Variants in UGT1A5 observed in about 807,000 individuals in gnomAD.
UGT1A5 encodes the protein UDP-glucuronosyltransferase 1A5.
A neutral mutation model predicts 40.3 loss-of-function variants in UGT1A5; 29 were observed. The observed-to-expected ratio is 0.72, with a 90% CI of 0.54 to 0.98. The LOEUF (loss-of-function observed/expected upper bound fraction) is 0.98. UGT1A5 is among the 50% of genes least tolerant of loss of function. UGT1A5 has a pLI of 0.00. For synonymous variants in UGT1A5, 257 were observed against 262.5 expected (o/e 0.98, Z 0.20); for missense variants, 678 against 677.9 (o/e 1.00, Z 0.00).
intron 1 of UGT1A5, among the ~76,000 whole-genome samples, chr2:233,748,618 A>C (rs1693989707): frequency 1.3e-5 from 2 of 151,764 alleles, no homozygotes; most frequent in Non-Finnish European, 2.9e-5. Flanking sequence ...CGAACGTGGG[A>C]TATATGTCTG....
chr2:233,750,143 G>C (rs1694374277), intron 1 of UGT1A5, among the ~76,000 whole-genome samples: 1 of 151,908 alleles, frequency 6.6e-6, no homozygotes, highest in Admixed American at 6.5e-5. Context: ...GAACTTCCTA[G>C]AGACTTGTTG....
intron 1 of UGT1A5, among the ~76,000 whole-genome samples, chr2:233,761,810 G>A (rs147752655): frequency 5.2e-4 from 79 of 152,328 alleles, no homozygotes; most frequent in African/African-American, 1.8e-3. Context: ...GAAAAGAACA[G>A]GAGAGGCTCC....
At position 233,760,448 on chromosome 2, in the gene UGT1A5, G is replaced by T. The variant is rs770426284; in HGVS notation, c.868-6586G>T. On this transcript the variant is annotated intron_variant, in intron 1 of 4. Coordinates refer to ENST00000373414, the MANE Select transcript of UGT1A5 (RefSeq NM_019078.2). ...GCCATCCAGCAGCTGCAGCAGAGGGGACATGAAATAGTTGTCCTAGCACCT... is the reference window on the plus strand; with the variant it reads ...GCCATCCAGCAGCTGCAGCAGAGGGTACATGAAATAGTTGTCCTAGCACCT... The T allele has an allele frequency of 1.2e-5, 19 of 1,614,238 alleles. No individual in the cohort carries two copies. In the Middle Eastern group the frequency reaches 1.3e-3, roughly 112 times the overall value.
intron 1 of UGT1A5, among the ~76,000 whole-genome samples, chr2:233,766,079 G>A (rs1159217409): frequency 1.3e-5 from 2 of 152,140 alleles, no homozygotes; most frequent in East Asian, 1.9e-4. Flanking sequence ...CTACCTTGTC[G>A]CAAGGACAGA....
chr2:233,743,470 G>C (rs1240539380), intron 1 of UGT1A5: 5 of 1,366,644 alleles, frequency 3.7e-6, no homozygotes, highest in Middle Eastern at 4.2e-4. Flanking sequence ...ACCCCCAAAA[G>C]CTGGAAATTC....
chr2:233,724,145 T>C (rs1184615097), intron 1 of UGT1A5, among the ~76,000 whole-genome samples: 8 of 114,770 alleles, frequency 7.0e-5, no homozygotes, highest in African/African-American at 2.9e-4. Flanking sequence ...ACGGGGCGGC[T>C]GGCCGGGTGG....
At chr2:233,742,268 G>C (rs1474936757) in intron 1 of UGT1A5, among the ~76,000 whole-genome samples, 3 of 152,000 alleles carry the variant, frequency 2.0e-5, no homozygotes, top group African/African-American at 7.3e-5. Flanking sequence ...CAGCAAGCCT[G>C]TGATAAGCAT....
chr2:233,729,506 C>G lies in UGT1A5; in HGVS notation c.867+15648C>G, dbSNP rs192895083. ...AATATGTCTTTGGTCTATCATAGGT[C>G]TTGTGTGGAGCTACTACATAATGAG... On this transcript the variant is annotated intron_variant, in intron 1 of 4. Transcript: ENST00000373414. The G allele has an allele frequency of 6.7e-5, 108 of 1,614,162 alleles. No homozygotes were observed. Among genetic ancestry groups the G allele is most frequent in the Non-Finnish European group, 8.6e-5 (102 of 1,180,030 alleles).
In UGT1A5 at chr2:233,713,061, C is replaced by T. The variant is rs1420543594; in HGVS notation, c.70C>T (p.Pro24Ser). The T allele has an allele frequency of 3.1e-6, 5 of 1,614,008 alleles. No homozygotes were observed. Among genetic ancestry groups the T allele is most frequent in the East Asian group, 2.2e-5 (1 of 44,888 alleles). The change falls in exon 1 of 5, where the codon CCC becomes TCC. Residue 24 changes from proline (P) to serine (S), a missense_variant. By Grantham distance (74) the Pro-to-Ser change is moderately conservative. Transcript: ENST00000373414. ...TGLLLLLSVQ[P>S]WAESGKVLVV... ...ACTGCTGCTTCTCCTCAGTGTCCAG[C>T]CCTGGGCTGAGAGTGGGAAGGTGCT...
chr2:233,725,694 T>C (rs903551237), intron 1 of UGT1A5, among the ~76,000 whole-genome samples: 1 of 152,238 alleles, frequency 6.6e-6, no homozygotes, highest in African/African-American at 2.4e-5. Context: ...TCAATAGTCA[T>C]ATGTAGTTAG....
rs192915169 is a variant in UGT1A5, at chr2:233,741,002, A to C, written c.868-26032A>C. ...CTGGGAATGCTGAGGAGGAAGGATC[A>C]CTTGAGCCCAGGAATTCGTGGTTAC... is the stretch of plus-strand genomic sequence containing the variant. On this transcript the variant is annotated intron_variant, in intron 1 of 4. Transcript: ENST00000373414. The C allele has an allele frequency of 3.0e-4, 45 of 151,886 alleles. 2 individuals are homozygous for C. The highest frequency in any genetic ancestry group is 1.0e-3 in the African/African-American group (41 of 41,190). 9.4% of individuals were successfully genotyped at this position (151,886 alleles called of 1,614,324 possible). A position where few individuals can be genotyped will look rare whatever the true frequency, so the allele number is the denominator to read the frequency against.
intron 1 of UGT1A5, chr2:233,729,609 G>C: frequency 6.2e-7 from 1 of 1,613,988 alleles, no homozygotes. Flanking sequence ...CGGCAGTGCT[G>C]GCTAAGTACC....
In UGT1A5 at chr2:233,767,858, C is replaced by CGGTA. The variant is rs778473109; in HGVS notation, c.1010_1013dup (p.Tyr338Ter). On this transcript the variant is annotated stop_gained and frameshift_variant, in exon 3 of 5. Transcript: ENST00000373414. LOFTEE classifies it high-confidence loss of function. ...TTTTTGCCCCTCCCAGGTCCTGTGGCGGTACACTGGAACCCGACCATCGAA... is the reference window on the plus strand; with the variant it reads ...TTTTTGCCCCTCCCAGGTCCTGTGGCGGTAGGTACACTGGAACCCGACCATCGAA... 3 of 1,614,120 alleles carry CGGTA rather than the reference C, an allele frequency of 1.9e-6. No homozygotes were observed. The highest frequency in any genetic ancestry group is 2.5e-6 in the Non-Finnish European group (3 of 1,180,018).
chr2:233,729,482 A>G (rs2077866923), intron 1 of UGT1A5: 1 of 1,614,098 alleles, frequency 6.2e-7, no homozygotes, highest in Non-Finnish European at 8.5e-7. Flanking sequence ...ATGTTGAACA[A>G]TATGTCTTTG....
chr2:233,755,387 G>A lies in UGT1A5; in HGVS notation c.868-11647G>A, dbSNP rs28900392. On this transcript the variant is annotated intron_variant, in intron 1 of 4. Transcript: ENST00000373414. Reference sequence around the variant, plus strand: ...CGCCTGGAGGGCCGCCCCTTATGACGCAGCCACATCTCATTGGCCGAGGCC... The same window carrying A: ...CGCCTGGAGGGCCGCCCCTTATGACACAGCCACATCTCATTGGCCGAGGCC... 908 of 345,012 alleles carry A rather than the reference G, an allele frequency of 2.6e-3. 4 individuals are homozygous for A. Among genetic ancestry groups the A allele is most frequent in the African/African-American group, 0.018 (852 of 46,552 alleles). The allele number at this position is 345,012 out of a possible 1,614,324, so 21.4% of individuals were successfully genotyped here.
rs1267611137 is a variant in UGT1A5 at position 233,724,759 on chromosome 2, C to T, written c.867+10901C>T. 1.5e-4 allele frequency among the ~76,000 whole-genome samples: 22 copies of T among 143,568 alleles called. 2 individuals are homozygous for T. Among genetic ancestry groups the T allele is most frequent in the East Asian group, 4.4e-4 (2 of 4,564 alleles). 94.2% of individuals were successfully genotyped at this position (143,568 alleles called of 152,430 possible). A position where few individuals can be genotyped will look rare whatever the true frequency, so the allele number is the denominator to read the frequency against. On this transcript the variant is annotated intron_variant, in intron 1 of 4. Transcript: ENST00000373414. ...GGCTCCTCACATCCCAGACGATGGG[C>T]GGCCAGGCAGAGACACTCCTCACTT... is the stretch of plus-strand genomic sequence containing the variant.
intron 1 of UGT1A5, among the ~76,000 whole-genome samples, chr2:233,728,369 A>G (rs2008584): frequency 0.53 from 79,890 of 151,692 alleles, 22,359 homozygotes; most frequent in African/African-American, 0.73. Context: ...TGAACCCACC[A>G]TGGGTCTTTG....
At chr2:233,721,905 C>A in intron 1 of UGT1A5, 1 of 450,072 alleles carries the variant, frequency 2.2e-6, no homozygotes, top group Non-Finnish European at 4.4e-6. Context: ...CGAAATGGTG[C>A]ACACTGCTTC....
At chr2:233,760,913 G>A (rs747662045) in intron 1 of UGT1A5, 10 of 1,614,168 alleles carry the variant, frequency 6.2e-6, no homozygotes, top group South Asian at 4.4e-5. Flanking sequence ...TTCCTGCAGC[G>A]GGTGAAGAAC....
Sources: allele counts gnomAD v4.1 joint callset (sites outside exome capture counted in the v4.1 genomes callset), GRCh38; gene constraint gnomAD v4.1.1; transcripts MANE v1.5; gene names NCBI Gene and HGNC (gene_info 2026-07-23, HGNC 2026-07-21).